ARR3: variants seen among roughly 807,000 people sequenced by gnomAD.
The protein encoded by ARR3 is arrestin-C.
ARR3 carries 14 observed loss-of-function variants against 35.4 expected under a neutral mutation model. The ratio of observed to expected loss-of-function variants is 0.40; its 90% CI spans 0.26 to 0.62. ARR3 has a LOEUF of 0.62. ARR3 is among the 20% of genes least tolerant of loss of function. The pLI, the probability that ARR3 is intolerant of heterozygous loss-of-function variation, is 0.46. For synonymous variants in ARR3, 97 were observed against 119.1 expected (o/e 0.81, Z 1.21); for missense variants, 259 against 303.8 (o/e 0.85, Z 1.10).
chrX:70,281,882 G>A (rs1014442187), downstream of ARR3: 7 of 616,893 alleles, frequency 1.1e-5, no homozygotes, highest in South Asian at 6.0e-5. Context: ...GGAGGGTCAC[G>A]GAACTACTGA....
chrX:70,277,614 A>T, intron 9 of ARR3, 85 bp downstream of exon 9: 1 of 1,178,287 alleles, frequency 8.5e-7, no homozygotes. Flanking sequence ...GCAGGCAGAG[A>T]TGGGAGCCAG....
chrX:70,278,717 G>A, intron 12 of ARR3, 76 bp downstream of exon 12: 1 of 1,130,818 alleles, frequency 8.8e-7, no homozygotes, highest in Non-Finnish European at 1.2e-6. Context: ...CAGCTCTGAG[G>A]TTTCATGTTC....
intron 5 of ARR3, among the ~76,000 whole-genome samples, chrX:70,272,510 T>G (rs1009045378): frequency 1.7e-4 from 19 of 112,506 alleles, no homozygotes; most frequent in African/African-American, 4.8e-4. Context: ...CTATAACTTT[T>G]TAAGTTGCCT....
chrX:70,281,016 G>T (rs2085681066), intron 15 of ARR3, 83 bp from the exon 16 acceptor site: 20 of 925,177 alleles, frequency 2.2e-5, no homozygotes, highest in Non-Finnish European at 2.6e-5. Context: ...GGGGGGGGAA[G>T]TAAAGATACT....
chrX:70,280,826 A>C lies in ARR3; in HGVS notation c.1066+8A>C. ...ATCCGAAGCCATCTCATGGTGAGTGACCAGGTGGAACTCACAGGGACGGCT... is the reference window on the plus strand; with the variant it reads ...ATCCGAAGCCATCTCATGGTGAGTGCCCAGGTGGAACTCACAGGGACGGCT... On this transcript the variant is annotated splice_region_variant and intron_variant, in intron 15 of 16. Coordinates refer to ENST00000307959, the MANE Select transcript of ARR3 (RefSeq NM_004312.3). The C allele has an allele frequency of 8.3e-7, 1 of 1,210,568 alleles. No homozygotes were observed. The highest frequency in any genetic ancestry group is 1.1e-6 in the Non-Finnish European group (1 of 894,717).
chrX:70,273,049 C>T (rs1401168), intron 5 of ARR3, among the ~76,000 whole-genome samples: 13,895 of 109,639 alleles, frequency 0.13, 1,388 homozygotes, highest in African/African-American at 0.33. Flanking sequence ...ATTCCATTAG[C>T]GCATTTCAGA....
chrX:70,280,011 A>G (rs1172085356), intron 12 of ARR3, among the ~76,000 whole-genome samples, 184 bp from the exon 13 acceptor site: 2 of 111,769 alleles, frequency 1.8e-5, no homozygotes, highest in African/African-American at 6.5e-5. Context: ...TGACATGGTA[A>G]AAGTGAATGT....
intron 7 of ARR3, 56 bp from the exon 8 acceptor site, chrX:70,276,613 T>C (rs910751848): frequency 1.7e-6 from 2 of 1,179,314 alleles, no homozygotes; most frequent in African/African-American, 1.8e-5. Context: ...TATAGGCCCA[T>C]GAGGAAGGGA....
At chrX:70,275,749 A>G (rs1421331896) in intron 5 of ARR3, among the ~76,000 whole-genome samples, 1 of 95,442 alleles carries the variant, frequency 1.0e-5, no homozygotes, top group Admixed American at 1.3e-4. Context: ...GGCTCACTGC[A>G]AGCTCTGCCT....
intron 15 of ARR3, 140 bp downstream of exon 15, chrX:70,280,958 G>A: frequency 1.1e-6 from 1 of 931,861 alleles, no homozygotes; most frequent in East Asian, 3.7e-5. Flanking sequence ...GGTATTCAGG[G>A]GAAGTGTGTG....
At chrX:70,281,595 G>T in intron 16 of ARR3, 81 bp from the exon 17 acceptor site, 2 of 859,795 alleles carry the variant, frequency 2.3e-6, no homozygotes, top group East Asian at 3.4e-5. Context: ...CACTTTTCTG[G>T]GATCAGGAAA....
chrX:70,279,036 AAAGTGGCATAGCTGAT>A (rs1183282528), intron 12 of ARR3, among the ~76,000 whole-genome samples: 2 of 112,834 alleles, frequency 1.8e-5, no homozygotes, highest in African/African-American at 3.2e-5. Context: ...GAACTCACTT[AAAGTGGCATAGCTGAT>A]AAGTGGTAGA....
At position 70,273,024 on chromosome X, in the gene ARR3, T is replaced by C. The variant is rs541990437; in HGVS notation, c.145+2880T>C. On this transcript the variant is annotated intron_variant, in intron 5 of 16. Transcript: ENST00000307959. ...CCCTGTACTTGGACAGGTATCCCTC[T>C]CTACTCCATTCTATATTCCATTAGC... Among the ~76,000 whole-genome samples, 150 of 110,574 alleles carry C rather than the reference T, an allele frequency of 1.4e-3. 2 individuals carry two copies. In the South Asian group the frequency reaches 0.055, roughly 41 times the overall value.
chrX:70,278,690 T>C, intron 12 of ARR3, 49 bp downstream of exon 12: 3 of 1,171,957 alleles, frequency 2.6e-6, no homozygotes, highest in Non-Finnish European at 3.5e-6. Context: ...CCTCAACCAT[T>C]CCACATGCTA....
intron 10 of ARR3, 106 bp downstream of exon 10, chrX:70,277,906 A>G (rs1466154786): frequency 2.4e-5 from 22 of 902,764 alleles, no homozygotes. Flanking sequence ...TTTCCCTCTA[A>G]CATGGGCTTG....
In ARR3 at chrX:70,269,875, G is replaced by A; in HGVS notation, c.72G>A (p.Val24=). The change falls in exon 4 of 17, where the codon GTG becomes GTA. Residue 24 remains valine, a synonymous_variant. Coordinates refer to ENST00000307959, the MANE Select transcript of ARR3 (RefSeq NM_004312.3). The part of the protein sequence containing the change: ...LSIYLGKRDF[V]DHVDTVEPID... ...TCTACCTGGGGAAACGGGACTTCGT[G>A]GACCATGTGGACACGGTGGAACCCA... 8.3e-7 allele frequency: 1 copy of A among 1,208,886 alleles called. No individual in the cohort carries two copies. The highest frequency in any genetic ancestry group is 1.1e-6 in the Non-Finnish European group (1 of 894,082).
In ARR3 at chrX:70,276,699, T is replaced by A; in HGVS notation, c.436T>A (p.Phe146Ile). The A allele has an allele frequency of 8.3e-7, 1 of 1,211,785 alleles. No homozygotes were observed. Among genetic ancestry groups the A allele is most frequent in the Non-Finnish European group, 1.1e-6 (1 of 895,443 alleles). Residue 146 changes from phenylalanine (F) to isoleucine (I), a missense_variant, in exon 8 of 17, where the codon TTC becomes ATC. Physicochemically the swap from Phe to Ile is conservative, Grantham distance 21. Coordinates refer to ENST00000307959, the MANE Select transcript of ARR3 (RefSeq NM_004312.3). ...PCGIDFEVKS[F>I]CAENPEETVS... is the part of the protein sequence containing the mutation. ...TGGGATTGACTTTGAAGTGAAGAGT[T>A]TCTGTGCTGAAAACCCAGAGGAGAC... is the stretch of plus-strand genomic sequence containing the variant.
intron 16 of ARR3, 33 bp downstream of exon 16, chrX:70,281,141 C>G: frequency 1.7e-6 from 2 of 1,206,540 alleles, no homozygotes; most frequent in Non-Finnish European, 2.2e-6. Context: ...AGCCCCATTC[C>G]CCTCTTCCCA....
At position 70,268,380 on chromosome X, in the gene ARR3, T is replaced by G. The variant is rs1226886798; in HGVS notation, c.-31+8T>G. On this transcript the variant is annotated splice_region_variant and intron_variant, in intron 1 of 16. Coordinates refer to ENST00000307959, the MANE Select transcript of ARR3 (RefSeq NM_004312.3). ...CTTCATCTCTCTCCCCAGGTAATAT[T>G]CCAAAGCCCTCTACTTCTAGCCCAT... 1 of 110,965 alleles carries G rather than the reference T, an allele frequency of 9.0e-6. No homozygotes were observed. Among genetic ancestry groups the G allele is most frequent in the Non-Finnish European group, 1.9e-5 (1 of 52,934 alleles). The allele number at this position is 110,965 out of a possible 1,213,427, so 9.1% of individuals were successfully genotyped here.
Sources: gnomAD v4.1 joint callset for allele counts (sites outside exome capture counted in the v4.1 genomes callset) on GRCh38, gnomAD v4.1.1 for gene constraint, MANE v1.5 for transcripts, NCBI Gene and HGNC (gene_info 2026-07-23, HGNC 2026-07-21) for gene names.